ANKRD40: variants seen among roughly 807,000 people sequenced by gnomAD.
ANKRD40 encodes ankyrin repeat domain 40.
Under a neutral mutation model 35.5 loss-of-function variants are expected in ANKRD40, and 24 were observed. The observed-to-expected ratio is 0.68, with a 90% CI of 0.49 to 0.95. ANKRD40 has a LOEUF of 0.95. ANKRD40 is among the 40% of genes least tolerant of loss of function. The pLI is 0.00. For synonymous variants in ANKRD40, 147 were observed against 173.5 expected, an observed-to-expected ratio of 0.85 and a Z score of 1.20; for missense variants, 361 against 436.0, an observed-to-expected ratio of 0.83 and a Z score of 1.53.
rs1002362476 is a variant in ANKRD40 at position 50,695,764 on chromosome 17, C to T, written c.*233G>A. 3 of 445,168 alleles carry T rather than the reference C, an allele frequency of 6.7e-6. No individual in the cohort carries two copies. The highest frequency in any genetic ancestry group is 4.0e-6 in the Non-Finnish European group (1 of 251,642). The allele number at this position is 445,168 out of a possible 1,614,324, so 27.6% of individuals were successfully genotyped here. A position where few individuals can be genotyped will look rare whatever the true frequency, so the allele number is the denominator to read the frequency against. ...GCTTCTGCCTCTCCAGACCACTTCTCAGCTGTTCAAAGCTTCAAGCAATAG... is the reference window on the plus strand; with the variant it reads ...GCTTCTGCCTCTCCAGACCACTTCTTAGCTGTTCAAAGCTTCAAGCAATAG... On this transcript the variant is annotated 3_prime_UTR_variant, in exon 5 of 5. Transcript: ENST00000285243.
chr17:50,696,806 A>C lies in ANKRD40; in HGVS notation c.960+134T>G. 3.4e-6 allele frequency: 3 copies of C among 876,440 alleles called. No homozygotes were observed. The South Asian group carries it at 6.8e-5, about 20-fold the overall frequency. 54.3% of individuals were successfully genotyped at this position (876,440 alleles called of 1,614,324 possible). A position where few individuals can be genotyped will look rare whatever the true frequency, so the allele number is the denominator to read the frequency against. ...CCTATAGACTCAGTAGAAGGAAATG[A>C]TTACATTTGGAAAATCACTCTTTGC... is the stretch of plus-strand genomic sequence containing the variant. On this transcript the variant is annotated intron_variant, in intron 4 of 4. Transcript: ENST00000285243.
intron 3 of ANKRD40, among the ~76,000 whole-genome samples, chr17:50,697,864 GGAA>G (rs1968218296): frequency 6.6e-6 from 1 of 152,142 alleles, no homozygotes; most frequent in Non-Finnish European, 1.5e-5. Context: ...CTCAAAAACA[GGAA>G]GTGAGAGAGT....
In ANKRD40 at chr17:50,696,090, C is replaced by T. The variant is rs1346953518; in HGVS notation, c.1014G>A (p.Met338Ile). The change falls in exon 5 of 5, where the codon ATG (methionine) becomes ATA (isoleucine). Residue 338 changes from methionine (M) to isoleucine (I), a missense_variant. This residue lies in a region of ANKRD40 where 93 missense variants were observed against 129.6 expected (regional missense o/e 0.72). Transcript: ENST00000285243. ...QDFQELELVL[M>I]ISENNFLFRN... ...TGAACAGAAAATTATTTTCACTTAT[C>T]ATCAGAACCAGTTCCAGCTCCTGGA... 4 of 1,614,184 alleles carry T rather than the reference C, an allele frequency of 2.5e-6. No individual in the cohort carries two copies. Among genetic ancestry groups the T allele is most frequent in the Non-Finnish European group, 3.4e-6 (4 of 1,180,036 alleles).
chr17:50,704,515 C>CAA lies in ANKRD40; in HGVS notation c.134+3004_134+3005dup, dbSNP rs892783050. Among the ~76,000 whole-genome samples the CAA allele has an allele frequency of 5.3e-3, 204 of 38,678 alleles. 3 individuals carry two copies. Among genetic ancestry groups the CAA allele is most frequent in the African/African-American group, 0.011 (118 of 11,042 alleles). 25.4% of individuals were successfully genotyped at this position (38,678 alleles called of 152,430 possible). A position where few individuals can be genotyped will look rare whatever the true frequency, so the allele number is the denominator to read the frequency against. On this transcript the variant is annotated intron_variant, in intron 1 of 4. Transcript: ENST00000285243. ...GGGTGACAAGAGTGAAACTCCATCTCAAAAAAAAAAAAAAAAAAAAAAACC... is the reference window on the plus strand; with the variant it reads ...GGGTGACAAGAGTGAAACTCCATCTCAAAAAAAAAAAAAAAAAAAAAAAAACC...
chr17:50,700,665 G>A lies in ANKRD40; in HGVS notation c.186C>T (p.Tyr62=). 6.2e-7 allele frequency: 1 copy of A among 1,613,986 alleles called. No individual in the cohort carries two copies. Residue 62 remains tyrosine (Y), a synonymous_variant, in exon 2 of 5, where the codon TAC becomes TAT. Coordinates refer to ENST00000285243, the MANE Select transcript of ANKRD40 (RefSeq NM_052855.4). Reference sequence around the variant, plus strand: ...CTTTGTCAGCTCCTGATTTTAACAGGTAAGAGACCACCTGACCATGGTTTC... The same window carrying A: ...CTTTGTCAGCTCCTGATTTTAACAGATAAGAGACCACCTGACCATGGTTTC... ...CKRNHGQVVS[Y]LLKSGADKEI... is the part of the protein sequence containing the mutation.
chr17:50,699,393 G>A lies in ANKRD40; in HGVS notation c.778+6C>T. The A allele has an allele frequency of 6.2e-7, 1 of 1,612,416 alleles. No homozygotes were observed. Among genetic ancestry groups the A allele is most frequent in the East Asian group, 2.2e-5 (1 of 44,866 alleles). On this transcript the variant is annotated splice_donor_region_variant and intron_variant, in intron 3 of 4. Coordinates refer to ENST00000285243, the MANE Select transcript of ANKRD40 (RefSeq NM_052855.4). ...TTGCAGAGGCTGTTTGCTGATGAGG[G>A]GTTACCTTGCATATTAAATGGAAAT...
At position 50,699,836 on chromosome 17, in the gene ANKRD40, T is replaced by C. The variant is rs1968247993; in HGVS notation, c.341A>G (p.Glu114Gly). ...GTTGGGAACAAAGGGCAGTTCTGAC[T>C]CCTTCTTCAGCTGGGGGAGGTTGTC... ...DDDNLPQLKK[E>G]SELPFVPNYL... Residue 114 changes from glutamate (E) to glycine (G), a missense_variant, in exon 3 of 5, where the codon GAG becomes GGG. By Grantham distance (98) the Glu-to-Gly change is moderately conservative. Transcript: ENST00000285243. 6 of 1,531,626 alleles carry C rather than the reference T, an allele frequency of 3.9e-6. No individual in the cohort carries two copies. Among genetic ancestry groups the C allele is most frequent in the Non-Finnish European group, 4.4e-6 (5 of 1,141,034 alleles). The allele number at this position is 1,531,626 out of a possible 1,614,324, so 94.9% of individuals were successfully genotyped here.
rs745922334 is a variant in ANKRD40, at chr17:50,699,726, G to T, written c.451C>A (p.Pro151Thr). ...AQMQNGGPST[P>T]PASPPADGSP... is the part of the protein sequence containing the mutation. ...CCATCTGCAGGGGGTGATGCAGGGG[G>T]TGTGGAGGGGCCCCCATTCTGCATC... The change falls in exon 3 of 5, where the codon CCC (proline) becomes ACC (threonine). Residue 151 changes from proline (P) to threonine (T), a missense_variant. Pro to Thr is a conservative substitution (Grantham distance 38, BLOSUM62 -1). Transcript: ENST00000285243. 5.0e-6 allele frequency: 8 copies of T among 1,612,974 alleles called. No homozygotes were observed. Among genetic ancestry groups the T allele is most frequent in the South Asian group, 3.3e-5 (3 of 91,018 alleles).
chr17:50,697,429 G>A (rs572912613), intron 3 of ANKRD40, among the ~76,000 whole-genome samples: 3 of 152,346 alleles, frequency 2.0e-5, no homozygotes, highest in African/African-American at 7.2e-5. Flanking sequence ...TGGAGCTAAG[G>A]AGGCAAAGTC....
chr17:50,707,405 G>A lies in ANKRD40; in HGVS notation c.134+116C>T, dbSNP rs1968353383. On this transcript the variant is annotated intron_variant, in intron 1 of 4. Transcript: ENST00000285243. This position sits in a 1 kb window ranked among gnomAD's most constrained non-coding sequence, Gnocchi z 4.8. ...CAAGAGAGCACAATCTCGGAGGCCC[G>A]AGGTGGCAGGCCTCGCCGTAGCCAG... 6.9e-7 allele frequency: 1 copy of A among 1,450,008 alleles called. No individual in the cohort carries two copies. Among genetic ancestry groups the A allele is most frequent in the Non-Finnish European group, 9.2e-7 (1 of 1,081,680 alleles). The allele number at this position is 1,450,008 out of a possible 1,614,324, so 89.8% of individuals were successfully genotyped here.
chr17:50,705,160 C>T (rs1311682256), intron 1 of ANKRD40, among the ~76,000 whole-genome samples: 1 of 150,854 alleles, frequency 6.6e-6, no homozygotes, highest in East Asian at 1.9e-4. Flanking sequence ...CCTATCTGTG[C>T]TGCAAAGCAA....
intron 3 of ANKRD40, 140 bp from the exon 4 acceptor site, chr17:50,697,261 C>G: frequency 1.2e-6 from 1 of 816,206 alleles, no homozygotes; most frequent in Non-Finnish European, 1.8e-6. Context: ...GGTGGGAAAA[C>G]CAAGTGCAGC....
chr17:50,700,751 G>C, intron 1 of ANKRD40, 35 bp from the exon 2 acceptor site: 1 of 1,578,596 alleles, frequency 6.3e-7, no homozygotes, highest in Non-Finnish European at 8.6e-7. Flanking sequence ...AAAAAGAGGA[G>C]AAGTGATTTT....
Position 50,707,440 on chromosome 17 carries a change from G to T in ANKRD40, c.134+81C>A. On this transcript the variant is annotated intron_variant, in intron 1 of 4. Coordinates refer to ENST00000285243, the MANE Select transcript of ANKRD40 (RefSeq NM_052855.4). This position sits in a 1 kb window ranked among gnomAD's most constrained non-coding sequence, Gnocchi z 4.8. ...GCCTCGCCGTAGCCAGGCGTCCCGC[G>T]CTGGGCCCAGGTCGCGACTGACTGC... The T allele has an allele frequency of 1.3e-6, 2 of 1,534,990 alleles. No homozygotes were observed. Among genetic ancestry groups the T allele is most frequent in the Non-Finnish European group, 1.8e-6 (2 of 1,140,426 alleles).
chr17:50,700,498 C>T (rs1968258847), intron 2 of ANKRD40, 70 bp downstream of exon 2: 14 of 1,450,796 alleles, frequency 9.6e-6, no homozygotes, highest in African/African-American at 4.3e-5. Flanking sequence ...GCATTAAGAA[C>T]GTAGCCAATA....
At chr17:50,704,492 G>A (rs1237314017) in intron 1 of ANKRD40, among the ~76,000 whole-genome samples, 2 of 142,354 alleles carry the variant, frequency 1.4e-5, no homozygotes, top group African/African-American at 2.7e-5. Flanking sequence ...TCCAGCCTGG[G>A]TGACAAGAGT....
In ANKRD40 at chr17:50,705,614, G is replaced by A. The variant is rs148642253; in HGVS notation, c.134+1907C>T. On this transcript the variant is annotated intron_variant, in intron 1 of 4. Transcript: ENST00000285243. ...TCCTCCTGCCTTGGCCTCCCAAAGT[G>A]CTGGGATTACAGGCGTGAGCCACCA... is the stretch of plus-strand genomic sequence containing the variant. Among the ~76,000 whole-genome samples, 1,471 of 151,524 alleles carry A rather than the reference G, an allele frequency of 9.7e-3. 12 individuals are homozygous for A. Among genetic ancestry groups the A allele is most frequent in the Middle Eastern group, 0.024 (7 of 292 alleles).
Position 50,707,842 on chromosome 17 carries a change from T to A in ANKRD40, c.-188A>T. On this transcript the variant is annotated 5_prime_UTR_variant, in exon 1 of 5. Coordinates refer to ENST00000285243, the MANE Select transcript of ANKRD40 (RefSeq NM_052855.4). The surrounding 1 kb of genome is among the most constrained non-coding windows in gnomAD (Gnocchi z 4.8). Reference sequence around the variant, plus strand: ...GCTCCCTCCCGCGGGCCGCCCCTGCTGCTCCCGGCCCGCAGGCCCAGGCCT... The same window carrying A: ...GCTCCCTCCCGCGGGCCGCCCCTGCAGCTCCCGGCCCGCAGGCCCAGGCCT... 4.9e-6 allele frequency: 1 copy of A among 203,882 alleles called. No individual in the cohort carries two copies. The highest frequency in any genetic ancestry group is 8.8e-6 in the Non-Finnish European group (1 of 113,150). 12.6% of individuals were successfully genotyped at this position (203,882 alleles called of 1,614,324 possible).
rs1968349393 is a variant in ANKRD40, at chr17:50,707,044, CA to C, written c.134+476del. 6.6e-6 allele frequency among the ~76,000 whole-genome samples: 1 copy of C among 151,590 alleles called. No individual in the cohort carries two copies. Among genetic ancestry groups the C allele is most frequent in the African/African-American group, 2.4e-5 (1 of 41,272 alleles). On this transcript the variant is annotated intron_variant, in intron 1 of 4. Transcript: ENST00000285243. The surrounding 1 kb of genome is among the most constrained non-coding windows in gnomAD (Gnocchi z 4.8). ...ACAACAGAGAAGCAGAATGGTGATG[CA>C]AATGTGTTTTTTTTTCCTGGTCTTG...
Sources: gnomAD v4.1 joint callset for allele counts (sites outside exome capture counted in the v4.1 genomes callset) on GRCh38, gnomAD v4.1.1 for gene constraint, gnomAD v4.1.1 regional missense constraint, Gnocchi (gnomAD v3.1) non-coding constraint, MANE v1.5 for transcripts, NCBI Gene and HGNC (gene_info 2026-07-23, HGNC 2026-07-21) for gene names.